Variants in OTUD7A observed in about 807,000 individuals in gnomAD.
OTUD7A encodes OTU domain-containing protein 7A.
A neutral mutation model predicts 65.7 loss-of-function variants in OTUD7A; 12 were observed. The ratio of observed to expected loss-of-function variants is 0.18; its 90% confidence interval spans 0.12 to 0.30. The LOEUF is 0.30. Among genes scored for constraint, OTUD7A ranks in the 10% least tolerant of loss-of-function variants. The pLI, the probability that OTUD7A is intolerant of heterozygous loss-of-function variation, is 1.00. For missense variants in OTUD7A, 1,148 were observed against 1,304.8 expected (o/e 0.88, Z 1.85); for synonymous variants, 641 against 586.3 (o/e 1.09, Z -1.35).
At chr15:31,733,542 C>T (rs1444529252) in intron 1 of OTUD7A, among the ~76,000 whole-genome samples, 1 of 152,196 alleles carries the variant, frequency 6.6e-6, no homozygotes, top group African/African-American at 2.4e-5. Flanking sequence ...CCTGGCTGCC[C>T]AGACCAGGTC....
intron 1 of OTUD7A, among the ~76,000 whole-genome samples, chr15:31,759,727 C>T (rs190343036): frequency 6.6e-6 from 1 of 152,140 alleles, no homozygotes; most frequent in Non-Finnish European, 1.5e-5. Flanking sequence ...AGGGTTTTGC[C>T]ATGTTGGCCA....
intron 1 of OTUD7A, among the ~76,000 whole-genome samples, chr15:31,761,941 C>T (rs1894976182): frequency 6.6e-6 from 1 of 152,094 alleles, no homozygotes; most frequent in Non-Finnish European, 1.5e-5. Context: ...GTATAAAATG[C>T]CCTGATAAAT....
At chr15:31,558,796 C>A in intron 5 of OTUD7A, 173 bp downstream of exon 5, 1 of 707,820 alleles carries the variant, frequency 1.4e-6, no homozygotes, top group South Asian at 1.8e-5. Flanking sequence ...CCCATGCTGG[C>A]TAGAACACTG....
intron 3 of OTUD7A, among the ~76,000 whole-genome samples, chr15:31,576,119 A>G (rs756486454): frequency 6.6e-6 from 1 of 152,224 alleles, no homozygotes; most frequent in Non-Finnish European, 1.5e-5. Context: ...TAAAAAGATA[A>G]AAAACACTAC....
chr15:31,808,136 C>CACACAA (rs772574742), intron 1 of OTUD7A, among the ~76,000 whole-genome samples: 54 of 119,508 alleles, frequency 4.5e-4, no homozygotes, highest in South Asian at 3.2e-3. Flanking sequence ...CACACACACA[C>CACACAA]AAACAAATCC....
At position 31,498,834 on chromosome 15, in the gene OTUD7A, C is replaced by A. The variant is rs1348735537; in HGVS notation, c.1171+2856G>T. Among the ~76,000 whole-genome samples the A allele has an allele frequency of 2.0e-5, 3 of 152,242 alleles. No individual in the cohort carries two copies. The highest frequency in any genetic ancestry group is 4.4e-5 in the Non-Finnish European group (3 of 68,042). ...AAAGTCCTAAGATAAATTTGCAAAG[C>A]CTGGGCCACTGAGGTTGCCCATAGC... On this transcript the variant is annotated intron_variant, in intron 10 of 12. Transcript: ENST00000307050. This position sits in a 1 kb window ranked among gnomAD's most constrained non-coding sequence, Gnocchi z 4.2.
At chr15:31,870,397 G>C (rs1221910310) in intron 1 of OTUD7A, 110 bp downstream of exon 1, 1 of 146,240 alleles carries the variant, frequency 6.8e-6, no homozygotes, top group African/African-American at 2.5e-5. Context: ...GCCTCGCCAC[G>C]GAGCTCGGGA....
intron 1 of OTUD7A, among the ~76,000 whole-genome samples, chr15:31,781,828 C>G (rs1322196474): frequency 6.6e-6 from 1 of 152,184 alleles, no homozygotes; most frequent in African/African-American, 2.4e-5. Context: ...CAGATAAATA[C>G]CCTCACATAT....
intron 3 of OTUD7A, among the ~76,000 whole-genome samples, chr15:31,595,638 T>C (rs1334847193): frequency 6.6e-6 from 1 of 152,260 alleles, no homozygotes; most frequent in Non-Finnish European, 1.5e-5. Context: ...GCAAATTTAC[T>C]ATCTCACAGT....
intron 1 of OTUD7A, among the ~76,000 whole-genome samples, chr15:31,688,863 A>C (rs1892901529): frequency 6.6e-6 from 1 of 151,812 alleles, no homozygotes; most frequent in Non-Finnish European, 1.5e-5. Flanking sequence ...TGTAGAATTA[A>C]AGCTTATAAA....
intron 3 of OTUD7A, among the ~76,000 whole-genome samples, chr15:31,613,914 G>T (rs1890505458): frequency 6.6e-6 from 1 of 152,102 alleles, no homozygotes; most frequent in African/African-American, 2.4e-5. Context: ...TCAATGAGTA[G>T]ATAAAGAAAC....
intron 1 of OTUD7A, among the ~76,000 whole-genome samples, chr15:31,745,907 T>C (rs1249324501): frequency 6.6e-6 from 1 of 152,118 alleles, no homozygotes; most frequent in Non-Finnish European, 1.5e-5. Flanking sequence ...AAGGAAGATA[T>C]ACAAATGGTC....
intron 1 of OTUD7A, among the ~76,000 whole-genome samples, chr15:31,680,016 A>G (rs992264364): frequency 4.6e-5 from 7 of 152,236 alleles, no homozygotes; most frequent in Admixed American, 1.3e-4. Flanking sequence ...CGACAAATGA[A>G]AAGAGAATCA....
intron 1 of OTUD7A, among the ~76,000 whole-genome samples, chr15:31,714,088 C>G (rs911613477): frequency 1.4e-5 from 2 of 144,966 alleles, no homozygotes; most frequent in African/African-American, 4.9e-5. Context: ...CACAGCTCAT[C>G]CTACACATCC....
At chr15:31,730,163 A>T (rs1411010923) in intron 1 of OTUD7A, among the ~76,000 whole-genome samples, 1 of 152,130 alleles carries the variant, frequency 6.6e-6, no homozygotes, top group Non-Finnish European at 1.5e-5. Flanking sequence ...GGTTGTCAGC[A>T]ACCAGGAAGA....
intron 3 of OTUD7A, among the ~76,000 whole-genome samples, chr15:31,649,409 T>C (rs1244911828): frequency 6.6e-6 from 1 of 151,976 alleles, no homozygotes; most frequent in African/African-American, 2.4e-5. Context: ...TTTTTTAACT[T>C]TTTTTTTGAA....
At chr15:31,581,679 T>C (rs1889376856) in intron 3 of OTUD7A, among the ~76,000 whole-genome samples, 1 of 152,190 alleles carries the variant, frequency 6.6e-6, no homozygotes, top group African/African-American at 2.4e-5. Flanking sequence ...TAGCCATGGC[T>C]GGGATTTGAG....
intron 8 of OTUD7A, among the ~76,000 whole-genome samples, chr15:31,525,767 T>G (rs1419005595): frequency 1.3e-5 from 2 of 152,214 alleles, no homozygotes; most frequent in African/African-American, 4.8e-5. Context: ...TACTAGAACA[T>G]CCAAGGTGTT....
intron 8 of OTUD7A, 48 bp downstream of exon 8, chr15:31,526,301 G>A (rs571230716): frequency 2.0e-6 from 3 of 1,504,134 alleles, no homozygotes; most frequent in African/African-American, 1.4e-5. Context: ...AGCCCTGGGT[G>A]GCCTGGAGCT....
Sources: allele counts gnomAD v4.1 joint callset (sites outside exome capture counted in the v4.1 genomes callset), GRCh38; gene constraint gnomAD v4.1.1; non-coding constraint Gnocchi (gnomAD v3.1); transcripts MANE v1.5; gene names NCBI Gene and HGNC (gene_info 2026-07-23, HGNC 2026-07-21).